The following ERC1 variants were observed in gnomAD, a reference collection of about 807,000 sequenced individuals.
ERC1 encodes ELKS/RAB6-interacting/CAST family member 1, also known as RAB6 interacting protein 2.
ERC1 carries 56 observed loss-of-function variants against 132.0 expected under a neutral mutation model. That is an observed-to-expected ratio of 0.42 (90% CI 0.34 to 0.53). The LOEUF (loss-of-function observed/expected upper bound fraction) is 0.53, where lower values mean the gene tolerates loss of function less well. ERC1 is among the 20% of genes least tolerant of loss of function. The probability of loss-of-function intolerance (pLI) is 0.03; values close to 1 mark genes in which losing one functional copy is unlikely to be tolerated. For synonymous variants in ERC1, 478 were observed against 476.1 expected, an observed-to-expected ratio of 1.00 and a Z score of -0.05; for missense variants, 1,202 against 1,349.9, an observed-to-expected ratio of 0.89 and a Z score of 1.72.
Position 1,414,712 on chromosome 12 carries a change from C to G in ERC1, c.3024+6465C>G, listed in dbSNP as rs112068879. ...TTCCCCTCCTCCCCACCTCCTTTTA[C>G]CCTCCCTCCTCCTCCTCCCTCCTTA... is the stretch of plus-strand genomic sequence containing the variant. On this transcript the variant is annotated intron_variant, in intron 17 of 18. Coordinates refer to ENST00000360905, the MANE Select transcript of ERC1 (RefSeq NM_178040.4). Among the ~76,000 whole-genome samples the G allele has an allele frequency of 6.8e-3, 1,035 of 152,062 alleles. 16 individuals carry two copies. The highest frequency in any genetic ancestry group is 0.024 in the African/African-American group (982 of 41,480).
chr12:1,375,453 A>G (rs565014374), intron 16 of ERC1, among the ~76,000 whole-genome samples: 2 of 152,320 alleles, frequency 1.3e-5, no homozygotes, highest in South Asian at 2.1e-4. Flanking sequence ...CGCAGAGCCA[A>G]ATCGTATCAC....
rs1358614267 is a variant in ERC1, at chr12:1,264,388, C to T, written c.2619+1223C>T. 6.6e-5 allele frequency among the ~76,000 whole-genome samples: 10 copies of T among 152,248 alleles called. No homozygotes were observed. The East Asian group carries it at 1.5e-3, about 24-fold the overall frequency. Reference sequence around the variant, plus strand: ...TTTAAGATTTCAAACCTAGGCCGAGCGCGGTGGTTCACGCCTGTAATCCCA... The same window carrying T: ...TTTAAGATTTCAAACCTAGGCCGAGTGCGGTGGTTCACGCCTGTAATCCCA... On this transcript the variant is annotated intron_variant, in intron 14 of 18. Coordinates refer to ENST00000360905, the MANE Select transcript of ERC1 (RefSeq NM_178040.4).
intron 13 of ERC1, among the ~76,000 whole-genome samples, chr12:1,261,214 C>T (rs2077123574): frequency 6.6e-6 from 1 of 152,122 alleles, no homozygotes; most frequent in African/African-American, 2.4e-5. Context: ...ACTGTTTGAG[C>T]CTCAATTTTA....
In ERC1 at chr12:1,129,798, A is replaced by G. The variant is rs897397825; in HGVS notation, c.1570-11822A>G. Among the ~76,000 whole-genome samples the G allele has an allele frequency of 1.4e-4, 21 of 150,262 alleles. No homozygotes were observed. In the East Asian group the frequency reaches 2.1e-3, roughly 15 times the overall value. ...GGATCCCTATGGAAACAACTGTTAAAAGATGTATGTTAGAAAGAAGAAAAG... is the reference window on the plus strand; with the variant it reads ...GGATCCCTATGGAAACAACTGTTAAGAGATGTATGTTAGAAAGAAGAAAAG... On this transcript the variant is annotated intron_variant, in intron 7 of 18. Coordinates refer to ENST00000360905, the MANE Select transcript of ERC1 (RefSeq NM_178040.4).
chr12:1,081,029 A>G (rs1565926250), intron 2 of ERC1, among the ~76,000 whole-genome samples: 1 of 152,302 alleles, frequency 6.6e-6, no homozygotes, highest in East Asian at 1.9e-4. Context: ...TGACATGTCT[A>G]AATGTCATAA....
At chr12:1,439,760 G>T (rs1009757698) in intron 17 of ERC1, among the ~76,000 whole-genome samples, 12 of 152,188 alleles carry the variant, frequency 7.9e-5, no homozygotes, top group African/African-American at 2.9e-4. Context: ...GTGGAAAAAA[G>T]TTATAACTTA....
intron 18 of ERC1, among the ~76,000 whole-genome samples, chr12:1,447,622 TC>T (rs370602078): frequency 0.061 from 9,278 of 151,098 alleles, 946 homozygotes; most frequent in African/African-American, 0.21. Context: ...AAACAGTTTG[TC>T]TTTGTTTTGT....
chr12:1,147,619 T>C (rs951736447), intron 8 of ERC1, among the ~76,000 whole-genome samples: 2 of 152,240 alleles, frequency 1.3e-5, no homozygotes, highest in Admixed American at 1.3e-4. Context: ...TGATTAATAA[T>C]GCGTAAGCCT....
At position 1,256,408 on chromosome 12, in the gene ERC1, G is replaced by A. The variant is rs187392105; in HGVS notation, c.2488-6626G>A. ...GGGGCCAATAGACTCTGAGTATTTC[G>A]TTCTCAGACTAAAAAAAAAAAAAAA... On this transcript the variant is annotated intron_variant, in intron 13 of 18. Coordinates refer to ENST00000360905, the MANE Select transcript of ERC1 (RefSeq NM_178040.4). Among the ~76,000 whole-genome samples the A allele has an allele frequency of 7.2e-4, 96 of 133,224 alleles. 3 individuals carry two copies. Among genetic ancestry groups the A allele is most frequent in the African/African-American group, 2.5e-3 (88 of 34,530 alleles). The allele number at this position is 133,224 out of a possible 152,430, so 87.4% of individuals were successfully genotyped here. A position where few individuals can be genotyped will look rare whatever the true frequency, so the allele number is the denominator to read the frequency against.
intron 17 of ERC1, among the ~76,000 whole-genome samples, chr12:1,432,470 AATGTCCTCAGGGTG>A (rs1361780617): frequency 1.3e-5 from 2 of 152,156 alleles, no homozygotes; most frequent in Admixed American, 1.3e-4. Context: ...GTGGCATTAA[AATGTCCTCAGGGTG>A]AGGATGTCAG....
At chr12:1,172,414 GCAGTGATTA>G (rs1197609163) in intron 8 of ERC1, among the ~76,000 whole-genome samples, 1 of 152,154 alleles carries the variant, frequency 6.6e-6, no homozygotes, top group Non-Finnish European at 1.5e-5. Flanking sequence ...GATGCAGTGA[GCAGTGATTA>G]CACTGTCACA....
intron 4 of ERC1, among the ~76,000 whole-genome samples, chr12:1,107,203 AT>A (rs542723156): frequency 6.8e-6 from 1 of 147,416 alleles, no homozygotes; most frequent in Non-Finnish European, 1.5e-5. Context: ...TTTCTCTACT[AT>A]TTTTTTGTTT....
At chr12:1,196,905 TACACACACACACACAC>T (rs766381798) in intron 12 of ERC1, among the ~76,000 whole-genome samples, 1,022 of 57,666 alleles carry the variant, frequency 0.018, 36 homozygotes, top group Middle Eastern at 0.023. Context: ...TCTGTCTCTC[TACACACACACACACAC>T]ACACACACAC....
chr12:1,119,554 T>A (rs901848153), intron 7 of ERC1, among the ~76,000 whole-genome samples: 1 of 114,668 alleles, frequency 8.7e-6, no homozygotes, highest in Non-Finnish European at 1.8e-5. Flanking sequence ...TGTGTGTGTG[T>A]GTGTGTGTGT....
intron 2 of ERC1, among the ~76,000 whole-genome samples, chr12:1,038,425 G>A (rs1278664511): frequency 6.6e-6 from 1 of 151,792 alleles, no homozygotes; most frequent in African/African-American, 2.4e-5. Flanking sequence ...GCAGTGGTGG[G>A]ATCTCGGCTC....
chr12:1,030,760 C>T (rs980984862), intron 2 of ERC1, among the ~76,000 whole-genome samples: 2 of 152,110 alleles, frequency 1.3e-5, no homozygotes, highest in Admixed American at 1.3e-4. Context: ...ACAGTGTTTT[C>T]ACTGTATCTT....
At chr12:1,304,405 G>A (rs933992000) in intron 15 of ERC1, among the ~76,000 whole-genome samples, 1 of 152,194 alleles carries the variant, frequency 6.6e-6, no homozygotes, top group Admixed American at 6.5e-5. Context: ...TGTTAGGCTA[G>A]ACAGAGTCCC....
chr12:1,376,512 C>T (rs1045391530), intron 16 of ERC1, among the ~76,000 whole-genome samples: 2 of 152,194 alleles, frequency 1.3e-5, no homozygotes, highest in African/African-American at 2.4e-5. Flanking sequence ...GACTGTCGTG[C>T]GCAGGGCACA....
chr12:1,085,011 A>G lies in ERC1; in HGVS notation c.1086+1431A>G, dbSNP rs543858654. 3.1e-3 allele frequency among the ~76,000 whole-genome samples: 185 copies of G among 60,268 alleles called. 4 individuals carry two copies. The highest frequency in any genetic ancestry group is 8.1e-3 in the Middle Eastern group (1 of 124). 39.5% of individuals were successfully genotyped at this position (60,268 alleles called of 152,430 possible). A position where few individuals can be genotyped will look rare whatever the true frequency, so the allele number is the denominator to read the frequency against. ...TGCCTATGCCTGGCCCATTATTATT[A>G]TTGTTGTTGTTGTTGTTGAAAGTGC... is the stretch of plus-strand genomic sequence containing the variant. On this transcript the variant is annotated intron_variant, in intron 3 of 18. Transcript: ENST00000360905.
Sources: gnomAD v4.1 joint callset for allele counts (sites outside exome capture counted in the v4.1 genomes callset) on GRCh38, gnomAD v4.1.1 for gene constraint, MANE v1.5 for transcripts, NCBI Gene and HGNC (gene_info 2026-07-23, HGNC 2026-07-21) for gene names.